Variants in PHIP observed in about 807,000 individuals in gnomAD.
PHIP encodes the protein PH-interacting protein.
In PHIP, 54 loss-of-function variants were observed where a neutral mutation model predicts 236.8. The ratio of observed to expected loss-of-function variants is 0.23; its 90% CI spans 0.18 to 0.29. The LOEUF is 0.29. Ranked by LOEUF, PHIP falls within the 10% of genes least tolerant of loss-of-function variation. The pLI, the probability that PHIP is intolerant of heterozygous loss-of-function variation, is 1.00. For synonymous variants in PHIP, 756 were observed against 718.9 expected (o/e 1.05, Z -0.83); for missense variants, 1,370 against 2,190.8 (o/e 0.63, Z 7.48).
chr6:79,001,198 TCCTTA>T (rs1043283860), intron 17 of PHIP, among the ~76,000 whole-genome samples: 1 of 152,060 alleles, frequency 6.6e-6, no homozygotes, highest in East Asian at 1.9e-4. Flanking sequence ...ACAGAACCTT[TCCTTA>T]TTTTTACTTA....
At chr6:78,965,612 A>G in intron 29 of PHIP, 91 bp downstream of exon 29, 1 of 738,434 alleles carries the variant, frequency 1.4e-6, no homozygotes, top group Non-Finnish European at 2.4e-6. Context: ...GATACTCACA[A>G]CTGTAAGTGG....
intron 6 of PHIP, among the ~76,000 whole-genome samples, chr6:79,058,400 G>A (rs1773182215): frequency 6.6e-6 from 1 of 152,006 alleles, no homozygotes; most frequent in Non-Finnish European, 1.5e-5. Flanking sequence ...GACCATCAAC[G>A]ACGTGGCCTA....
chr6:78,985,566 T>C, intron 21 of PHIP, 138 bp from the exon 22 acceptor site: 1 of 677,388 alleles, frequency 1.5e-6, no homozygotes, highest in Non-Finnish European at 2.7e-6. Context: ...TTGCAAAGGG[T>C]GTTGTGGCTC....
intron 32 of PHIP, 160 bp from the exon 33 acceptor site, chr6:78,955,842 C>A (rs1182900199): frequency 9.5e-6 from 4 of 419,096 alleles, no homozygotes; most frequent in Non-Finnish European, 1.7e-5. Flanking sequence ...ACACATTTAA[C>A]CCTGACCCCT....
intron 39 of PHIP, among the ~76,000 whole-genome samples, chr6:78,941,569 G>A (rs577931366): frequency 1.3e-5 from 2 of 152,244 alleles, no homozygotes; most frequent in East Asian, 3.9e-4. Flanking sequence ...TAGAAAATAA[G>A]TGACTTATCT....
intron 10 of PHIP, among the ~76,000 whole-genome samples, chr6:79,018,760 G>C (rs1346962848): frequency 6.6e-6 from 1 of 151,804 alleles, no homozygotes; most frequent in Non-Finnish European, 1.5e-5. Context: ...ACATAAACCA[G>C]ATTTAAAATA....
At chr6:79,037,911 T>C (rs1293656229) in intron 7 of PHIP, among the ~76,000 whole-genome samples, 1 of 152,178 alleles carries the variant, frequency 6.6e-6, no homozygotes, top group Non-Finnish European at 1.5e-5. Context: ...AGCTCACAAC[T>C]TAATAGGAAA....
chr6:79,051,874 A>G (rs1228603621), intron 6 of PHIP, among the ~76,000 whole-genome samples: 1 of 152,162 alleles, frequency 6.6e-6, no homozygotes, highest in African/African-American at 2.4e-5. Context: ...AGTTGTTTTA[A>G]TAACAATTTA....
At position 78,970,581 on chromosome 6, in the gene PHIP, T is replaced by C. The variant is rs138264272; in HGVS notation, c.2997+200A>G. ...TTTTGTACCCAACCCATAAACTGCATTGGAGTATATAAATTCAGTCAAATC... is the reference window on the plus strand; with the variant it reads ...TTTTGTACCCAACCCATAAACTGCACTGGAGTATATAAATTCAGTCAAATC... On this transcript the variant is annotated intron_variant, in intron 25 of 39. Transcript: ENST00000275034. Among the ~76,000 whole-genome samples, 104 of 152,284 alleles carry C rather than the reference T, an allele frequency of 6.8e-4. 1 individual carries two copies. The South Asian group carries it at 8.1e-3, about 12-fold the overall frequency.
intron 4 of PHIP, among the ~76,000 whole-genome samples, chr6:79,069,599 A>C (rs145782545): frequency 2.0e-5 from 3 of 152,218 alleles, no homozygotes; most frequent in Non-Finnish European, 2.9e-5. Context: ...AAGTTTACTG[A>C]TATTTTTATT....
chr6:78,945,809 T>TCTA, intron 38 of PHIP, 192 bp downstream of exon 38: 1 of 608,840 alleles, frequency 1.6e-6, no homozygotes, highest in Non-Finnish European at 2.9e-6. Flanking sequence ...TAAGCATTAG[T>TCTA]CTATAATGAC....
chr6:78,951,454 A>C (rs761937816), intron 35 of PHIP, among the ~76,000 whole-genome samples: 5 of 152,192 alleles, frequency 3.3e-5, no homozygotes, highest in Non-Finnish European at 7.4e-5. Context: ...TAAAAGATGA[A>C]ATATGAAGTG....
At chr6:79,041,419 A>G (rs1415646965) in intron 7 of PHIP, among the ~76,000 whole-genome samples, 1 of 152,154 alleles carries the variant, frequency 6.6e-6, no homozygotes, top group Non-Finnish European at 1.5e-5. Context: ...AAAATATGAT[A>G]AACAAATGCT....
chr6:78,999,865 T>A (rs1367873413), intron 17 of PHIP, among the ~76,000 whole-genome samples: 1 of 152,048 alleles, frequency 6.6e-6, no homozygotes, highest in East Asian at 1.9e-4. Context: ...GTAGAAGTAG[T>A]AAAAGCAGAC....
chr6:78,956,377 C>T (rs1766416832), intron 32 of PHIP: 1 of 152,052 alleles, frequency 6.6e-6, no homozygotes, highest in Admixed American at 6.6e-5. Context: ...TAAATTAAGC[C>T]CTCATCAACT....
At chr6:79,000,668 T>C (rs1480235742) in intron 17 of PHIP, among the ~76,000 whole-genome samples, 1 of 152,050 alleles carries the variant, frequency 6.6e-6, no homozygotes, top group African/African-American at 2.4e-5. Context: ...ACTGAAGACA[T>C]TTCTCTTAAT....
intron 16 of PHIP, among the ~76,000 whole-genome samples, chr6:79,003,365 A>T (rs990497371): frequency 2.6e-5 from 4 of 152,084 alleles, no homozygotes; most frequent in African/African-American, 9.7e-5. Flanking sequence ...ACCCTAGATA[A>T]GTACGTATTA....
chr6:78,989,510 C>T (rs1374104800), intron 20 of PHIP, among the ~76,000 whole-genome samples: 1 of 152,100 alleles, frequency 6.6e-6, no homozygotes, highest in Non-Finnish European at 1.5e-5. Context: ...ATTAGACATC[C>T]TTGAAATCGA....
chr6:78,996,133 G>A (rs1000359405), intron 19 of PHIP, among the ~76,000 whole-genome samples: 1 of 152,134 alleles, frequency 6.6e-6, no homozygotes, highest in Non-Finnish European at 1.5e-5. Context: ...CTCTCCAGAG[G>A]AGGAGTAAAT....
Sources: gnomAD v4.1 joint callset for allele counts (sites outside exome capture counted in the v4.1 genomes callset) on GRCh38, gnomAD v4.1.1 for gene constraint, MANE v1.5 for transcripts, NCBI Gene and HGNC (gene_info 2026-07-23, HGNC 2026-07-21) for gene names.